TRABD: variants seen among roughly 807,000 people sequenced by gnomAD.
The protein encoded by TRABD is TraB domain containing, also known as traB domain-containing protein.
In TRABD, 23 loss-of-function variants were observed where a neutral mutation model predicts 39.6. That is an observed-to-expected ratio of 0.58 (90% CI 0.42 to 0.82). The LOEUF (loss-of-function observed/expected upper bound fraction) is 0.82. Among genes scored for constraint, TRABD ranks in the 40% least tolerant of loss-of-function variants. The pLI, the probability that TRABD is intolerant of heterozygous loss-of-function variation, is 0.00. For synonymous variants in TRABD, 243 were observed against 232.1 expected (o/e 1.05, Z -0.43); for missense variants, 487 against 544.9 (o/e 0.89, Z 1.06).
intron 5 of TRABD, 165 bp from the exon 6 acceptor site, chr22:50,197,076 T>C (rs780883321): frequency 1.6e-5 from 10 of 643,090 alleles, no homozygotes; most frequent in Non-Finnish European, 2.7e-5. Flanking sequence ...TCTGACCCTC[T>C]GCACGCTAGG....
Position 50,193,592 on chromosome 22 carries a change from T to C in TRABD, c.50T>C (p.Val17Ala). Reference sequence around the variant, plus strand: ...CACCTGCAGGCCAACGTGGAACCTGTTGTGCCGTCAGAGGCTTCAGAGCCG... The same window carrying C: ...CACCTGCAGGCCAACGTGGAACCTGCTGTGCCGTCAGAGGCTTCAGAGCCG... ...QPPHEANVEP[V>A]VPSEASEPVP... The change falls in exon 3 of 10, where the codon GTT (valine) becomes GCT (alanine). Residue 17 changes from valine to alanine, a missense_variant. This residue lies in a region of TRABD where 358 missense variants were observed against 414.7 expected (regional missense o/e 0.86). Transcript: ENST00000380909. 3.7e-6 allele frequency: 6 copies of C among 1,613,826 alleles called. No individual in the cohort carries two copies. Among genetic ancestry groups the C allele is most frequent in the South Asian group, 1.1e-5 (1 of 91,086 alleles).
intron 5 of TRABD, 75 bp from the exon 6 acceptor site, chr22:50,197,166 A>T (rs897456150): frequency 1.4e-6 from 2 of 1,436,108 alleles, no homozygotes; most frequent in Admixed American, 1.7e-5. Context: ...GCTGCCTGCC[A>T]TCCCAGTTCT....
chr22:50,197,763 A>AGGCCCCCCCCCCCCCCCCCAG, intron 7 of TRABD, 60 bp from the exon 8 acceptor site: 1 of 1,439,782 alleles, frequency 6.9e-7, no homozygotes, highest in Non-Finnish European at 9.7e-7. Context: ...CCACAGTGCC[A>AGGCCCCCCCCCCCCCCCCCAG]GCCCCACCCC....
In TRABD at chr22:50,198,055, C is replaced by A. The variant is rs777872586; in HGVS notation, c.845-20C>A. The A allele has an allele frequency of 2.0e-5, 32 of 1,612,134 alleles. No homozygotes were observed. The highest frequency in any genetic ancestry group is 2.6e-5 in the Non-Finnish European group (31 of 1,179,494). ...AGGCTGAGGCCCGAGCAGGTACTGA[C>A]CCCTTGTCCTTCCCCACAGCCGAGC... On this transcript the variant is annotated intron_variant, in intron 8 of 9. Coordinates refer to ENST00000380909, the MANE Select transcript of TRABD (RefSeq NM_001320485.2). The surrounding 1 kb of genome is among the most constrained non-coding windows in gnomAD (Gnocchi z 7.9).
chr22:50,193,100 T>C lies in TRABD; in HGVS notation c.33+7T>C. The C allele has an allele frequency of 6.5e-7, 1 of 1,542,674 alleles. No homozygotes were observed. The highest frequency in any genetic ancestry group is 8.7e-7 in the Non-Finnish European group (1 of 1,146,254). On this transcript the variant is annotated splice_region_variant and intron_variant, in intron 2 of 9. Coordinates refer to ENST00000380909, the MANE Select transcript of TRABD (RefSeq NM_001320485.2). ...GCAGCAGCCACCGCACGAGGTGAGG[T>C]GGAGGCTGGGCTGGCTGCACAGAGA...
chr22:50,194,385 G>A lies in TRABD; in HGVS notation c.158G>A (p.Arg53Gln), dbSNP rs763051231. The A allele has an allele frequency of 1.2e-5, 19 of 1,612,734 alleles. No homozygotes were observed. The highest frequency in any genetic ancestry group is 9.9e-5 in the South Asian group (9 of 91,066). ...CTGCTCCTGGAGATGAAGCTGAAGC[G>A]GCGGCGTCAGCGGCCCAACCTGCCG... ...FNLLLEMKLK[R>Q]RRQRPNLPRT... The change falls in exon 4 of 10, where the codon CGG becomes CAG. Residue 53 changes from arginine to glutamine, a missense_variant. Physicochemically the swap from Arg to Gln is conservative, Grantham distance 43. Transcript: ENST00000380909.
At position 50,195,051 on chromosome 22, in the gene TRABD, G is replaced by C; in HGVS notation, c.420+11G>C. 6.4e-7 allele frequency: 1 copy of C among 1,571,768 alleles called. No homozygotes were observed. Among genetic ancestry groups the C allele is most frequent in the Non-Finnish European group, 8.6e-7 (1 of 1,165,014 alleles). On this transcript the variant is annotated intron_variant, in intron 5 of 9. Coordinates refer to ENST00000380909, the MANE Select transcript of TRABD (RefSeq NM_001320485.2). ...CAGGCCGTGAGGCAGGTGCGCAGCC[G>C]CGGGCAAGGGTCAGGGTCAGGGTCG...
chr22:50,198,951 G>A lies in TRABD; in HGVS notation c.*432G>A, dbSNP rs1341610538. 2 of 603,700 alleles carry A rather than the reference G, an allele frequency of 3.3e-6. No individual in the cohort carries two copies. The highest frequency in any genetic ancestry group is 2.0e-5 in the South Asian group (1 of 50,580). 37.4% of individuals were successfully genotyped at this position (603,700 alleles called of 1,614,324 possible). ...GCGGCTCCTGGGGGCTCCAGGGCAG[G>A]CGAGACTGGGAAAGGCCCAGCCCTG... is the stretch of plus-strand genomic sequence containing the variant. On this transcript the variant is annotated 3_prime_UTR_variant, in exon 10 of 10. Transcript: ENST00000380909. This position sits in a 1 kb window ranked among gnomAD's most constrained non-coding sequence, Gnocchi z 7.9.
At chr22:50,197,210 T>G (rs776190252) in intron 5 of TRABD, 31 bp from the exon 6 acceptor site, 1 of 1,593,020 alleles carries the variant, frequency 6.3e-7, no homozygotes, top group South Asian at 1.1e-5. Context: ...CACCCGCCCC[T>G]CCAGCTGATG....
In TRABD at chr22:50,197,463, T is replaced by A. The variant is rs372339323; in HGVS notation, c.546T>A (p.Pro182=). 100 of 1,613,816 alleles carry A rather than the reference T, an allele frequency of 6.2e-5. No individual in the cohort carries two copies. The highest frequency in any genetic ancestry group is 8.4e-5 in the Non-Finnish European group (99 of 1,179,996). Residue 182 remains proline, a synonymous_variant, in exon 7 of 10, where the codon CCT becomes CCA. Transcript: ENST00000380909. ...REAFKEASKV[P]FCKFHLGDRP... ...CTCTGCTCCAGGCCAGCAAGGTGCC[T>A]TTCTGCAAGTTCCACCTGGGTGACC...
At chr22:50,194,535 A>T (rs6537638) in intron 4 of TRABD, 29 bp downstream of exon 4, 42,274 of 1,561,510 alleles carry the variant, frequency 0.027, 1,021 homozygotes, top group African/African-American at 0.11. Context: ...CACATCCCGG[A>T]CACGGGTTGG....
chr22:50,187,297 G>A (rs940340105), intron 1 of TRABD, among the ~76,000 whole-genome samples: 2 of 152,240 alleles, frequency 1.3e-5, no homozygotes, highest in African/African-American at 2.4e-5. Flanking sequence ...GCTCAGGTGT[G>A]TTTCCCGTCT....
Position 50,197,573 on chromosome 22 carries a change from T to C in TRABD, c.656T>C (p.Leu219Pro). The change falls in exon 7 of 10, where the codon CTG becomes CCG. Residue 219 changes from leucine (L) to proline (P), a missense_variant. Physicochemically the swap from Leu to Pro is moderately conservative, Grantham distance 98. Around this residue, in one of 3 missense-constraint regions of TRABD, gnomAD observed 358 missense variants for 414.7 expected, o/e 0.86. Coordinates refer to ENST00000380909, the MANE Select transcript of TRABD (RefSeq NM_001320485.2). ...AGGCTGGCTTGGGGCCTGTGCTTCC[T>C]GTCAGACCCCATCAGGTAGGGCTGC... is the stretch of plus-strand genomic sequence containing the variant. ...KVRLAWGLCF[L>P]SDPISKDDVE... 6.2e-7 allele frequency: 1 copy of C among 1,613,220 alleles called. No homozygotes were observed. The highest frequency in any genetic ancestry group is 8.5e-7 in the Non-Finnish European group (1 of 1,179,948).
intron 5 of TRABD, 197 bp from the exon 6 acceptor site, chr22:50,197,044 G>A: frequency 1.7e-6 from 1 of 586,516 alleles, no homozygotes; most frequent in South Asian, 2.1e-5. Context: ...AGTGCCTGTT[G>A]GGACAGAACT....
chr22:50,196,673 AG>A (rs1298167624), intron 5 of TRABD, among the ~76,000 whole-genome samples: 5 of 151,006 alleles, frequency 3.3e-5, no homozygotes, highest in African/African-American at 1.2e-4. Flanking sequence ...GCCCCTTCGC[AG>A]AACGAGACTG....
intron 1 of TRABD, among the ~76,000 whole-genome samples, chr22:50,192,627 T>C (rs1194652538): frequency 6.6e-6 from 1 of 152,112 alleles, no homozygotes; most frequent in Non-Finnish European, 1.5e-5. Context: ...GGCCCTGGGG[T>C]CCTTGCCATG....
rs550175940 is a variant in TRABD at position 50,197,973 on chromosome 22, C to G, written c.822C>G (p.Leu274=). The change falls in exon 8 of 10, where the codon CTC becomes CTG. Residue 274 remains leucine, a synonymous_variant. Transcript: ENST00000380909. ...TGCTGCGCCAGGCCGCGCGGCGCCT[C>G]GAGCTGCCTCGGGCCTCTGACGGTG... The part of the protein sequence containing the change: ...TYMLRQAARR[L]ELPRASDAEP... The G allele has an allele frequency of 2.3e-5, 37 of 1,612,256 alleles. No individual in the cohort carries two copies. The highest frequency in any genetic ancestry group is 3.0e-5 in the Non-Finnish European group (35 of 1,179,750).
chr22:50,189,421 A>G (rs2063836667), intron 1 of TRABD, among the ~76,000 whole-genome samples: 1 of 152,098 alleles, frequency 6.6e-6, no homozygotes, highest in Non-Finnish European at 1.5e-5. Context: ...TGCTCGGTGG[A>G]CGTCCGTGCG....
chr22:50,194,383 G>A lies in TRABD; in HGVS notation c.156G>A (p.Lys52=). The A allele has an allele frequency of 6.2e-7, 1 of 1,612,842 alleles. No homozygotes were observed. The highest frequency in any genetic ancestry group is 8.5e-7 in the Non-Finnish European group (1 of 1,179,814). Residue 52 remains lysine (K), a synonymous_variant, in exon 4 of 10, where the codon AAG becomes AAA. Coordinates refer to ENST00000380909, the MANE Select transcript of TRABD (RefSeq NM_001320485.2). ...AFNLLLEMKL[K]RRRQRPNLPR... is the part of the protein sequence containing the mutation. ...ACCTGCTCCTGGAGATGAAGCTGAAGCGGCGGCGTCAGCGGCCCAACCTGC... is the reference window on the plus strand; with the variant it reads ...ACCTGCTCCTGGAGATGAAGCTGAAACGGCGGCGTCAGCGGCCCAACCTGC...
Sources: gnomAD v4.1 joint callset for allele counts (sites outside exome capture counted in the v4.1 genomes callset) on GRCh38, gnomAD v4.1.1 for gene constraint, gnomAD v4.1.1 regional missense constraint, Gnocchi (gnomAD v3.1) non-coding constraint, MANE v1.5 for transcripts, NCBI Gene and HGNC (gene_info 2026-07-23, HGNC 2026-07-21) for gene names.